Variants in BICRAL observed in about 807,000 individuals in gnomAD.
BICRAL encodes BRD4-interacting chromatin-remodeling complex-associated protein-like.
A neutral mutation model predicts 91.8 loss-of-function variants in BICRAL; 8 were observed. The observed-to-expected ratio is 0.09, with a 90% confidence interval of 0.05 to 0.16. The LOEUF (loss-of-function observed/expected upper bound fraction) is 0.16. Among genes scored for constraint, BICRAL ranks in the 10% least tolerant of loss-of-function variants. The pLI is 1.00. For missense variants in BICRAL, 1,038 were observed against 1,310.9 expected, an observed-to-expected ratio of 0.79 and a Z score of 3.21; for synonymous variants, 445 against 491.1, an observed-to-expected ratio of 0.91 and a Z score of 1.24.
chr6:42,817,178 A>G (rs551376536), intron 2 of BICRAL, among the ~76,000 whole-genome samples: 23 of 149,532 alleles, frequency 1.5e-4, no homozygotes, highest in South Asian at 2.1e-4. Flanking sequence ...GTGTGTATAT[A>G]TGTGTGTGTG....
chr6:42,852,297 C>A, intron 7 of BICRAL, 100 bp downstream of exon 7: 1 of 746,704 alleles, frequency 1.3e-6, no homozygotes, highest in Non-Finnish European at 2.5e-6. Context: ...GGCTTAATCT[C>A]GTCTCCACTC....
At chr6:42,785,234 C>T (rs1034468859) in intron 1 of BICRAL, among the ~76,000 whole-genome samples, 18 of 151,994 alleles carry the variant, frequency 1.2e-4, no homozygotes, top group African/African-American at 4.4e-4. Context: ...CTAGCCAGGC[C>T]ATCTAGTTTA....
chr6:42,846,660 T>C (rs1245813985), intron 6 of BICRAL, among the ~76,000 whole-genome samples: 2 of 152,180 alleles, frequency 1.3e-5, no homozygotes, highest in Non-Finnish European at 2.9e-5. Context: ...CCAGGGCCTC[T>C]GCTGCTCAAT....
chr6:42,779,979 C>T (rs1762863570), upstream of BICRAL, among the ~76,000 whole-genome samples: 1 of 152,218 alleles, frequency 6.6e-6, no homozygotes, highest in South Asian at 2.1e-4. Flanking sequence ...TAGCTCACTG[C>T]AACCTCCAAC....
chr6:42,825,590 G>A (rs1764272255), intron 5 of BICRAL, among the ~76,000 whole-genome samples: 1 of 151,522 alleles, frequency 6.6e-6, no homozygotes, highest in Non-Finnish European at 1.5e-5. Context: ...AAAAATAGAT[G>A]AGCATGGTGG....
intron 12 of BICRAL, 46 bp downstream of exon 12, chr6:42,862,658 T>C: frequency 3.6e-6 from 4 of 1,119,942 alleles, no homozygotes; most frequent in Non-Finnish European, 5.5e-6. Flanking sequence ...CTGCCATGGT[T>C]CAGGGACCAT....
intron 1 of BICRAL, among the ~76,000 whole-genome samples, chr6:42,753,953 T>C (rs1246777176): frequency 6.9e-6 from 1 of 144,692 alleles, no homozygotes; most frequent in Non-Finnish European, 1.5e-5. Flanking sequence ...ATTACAGGCA[T>C]GAGCCACTAC....
upstream of BICRAL, among the ~76,000 whole-genome samples, chr6:42,777,069 T>C (rs1762817066): frequency 6.6e-6 from 1 of 152,202 alleles, no homozygotes; most frequent in Admixed American, 6.5e-5. Context: ...TCTGGCATCC[T>C]TGAGGAGCTC....
At chr6:42,856,188 G>A (rs753725641) in intron 9 of BICRAL, among the ~76,000 whole-genome samples, 12 of 151,340 alleles carry the variant, frequency 7.9e-5, no homozygotes, top group African/African-American at 1.9e-4. Context: ...GTGGTGGTAC[G>A]GGCCTGTAGT....
intron 10 of BICRAL, among the ~76,000 whole-genome samples, chr6:42,857,618 T>C (rs868015571): frequency 1.1e-5 from 1 of 94,268 alleles, no homozygotes; most frequent in Non-Finnish European, 2.1e-5. Context: ...AAAAAAAATA[T>C]ATATATATAT....
chr6:42,807,904 A>G (rs1163522852), intron 1 of BICRAL, among the ~76,000 whole-genome samples: 1 of 151,950 alleles, frequency 6.6e-6, no homozygotes, highest in Non-Finnish European at 1.5e-5. Context: ...ATGCTGATGG[A>G]CTCTGGGAAA....
At chr6:42,832,904 A>G (rs765155056) in intron 6 of BICRAL, among the ~76,000 whole-genome samples, 44 of 152,274 alleles carry the variant, frequency 2.9e-4, no homozygotes, top group Admixed American at 1.2e-3. Flanking sequence ...TTACAATACT[A>G]TAACTAATCT....
At chr6:42,747,795 G>GTTTTTT (rs1343500976) in intron 1 of BICRAL, among the ~76,000 whole-genome samples, 5 of 141,088 alleles carry the variant, frequency 3.5e-5, no homozygotes, top group Non-Finnish European at 4.6e-5. Flanking sequence ...TTGCTTTTTT[G>GTTTTTT]TTTTATTTTG....
intron 6 of BICRAL, 22 bp from the exon 7 acceptor site, chr6:42,852,070 T>C: frequency 7.2e-7 from 1 of 1,387,080 alleles, no homozygotes; most frequent in Middle Eastern, 1.8e-4. Flanking sequence ...ATTAATGTTT[T>C]CATCTTTGTC....
At chr6:42,783,127 C>T (rs1004409955) in intron 1 of BICRAL, among the ~76,000 whole-genome samples, 2 of 148,838 alleles carry the variant, frequency 1.3e-5, no homozygotes, top group African/African-American at 4.9e-5. Flanking sequence ...CGAGTCGCCC[C>T]GGCCCCGTTC....
rs890774884 is a variant in BICRAL, at chr6:42,866,358, A to C, written c.*912A>C. 1.8e-5 allele frequency: 3 copies of C among 167,792 alleles called. No homozygotes were observed. Among genetic ancestry groups the C allele is most frequent in the Non-Finnish European group, 3.9e-5 (3 of 76,820 alleles). 10.4% of individuals were successfully genotyped at this position (167,792 alleles called of 1,614,324 possible). Reference sequence around the variant, plus strand: ...TATATATGTTAACTATTGAGAAAAAACAAGTTTTGCATTTTATAATTGGAT... The same window carrying C: ...TATATATGTTAACTATTGAGAAAAACCAAGTTTTGCATTTTATAATTGGAT... On this transcript the variant is annotated 3_prime_UTR_variant, in exon 13 of 13. Transcript: ENST00000314073.
At chr6:42,811,495 C>A (rs1763842433) in intron 2 of BICRAL, among the ~76,000 whole-genome samples, 1 of 152,196 alleles carries the variant, frequency 6.6e-6, no homozygotes, top group Non-Finnish European at 1.5e-5. Flanking sequence ...GTGGCGCACG[C>A]CTGTAATCCC....
At chr6:42,770,412 A>ATTAT in intron 1 of BICRAL, among the ~76,000 whole-genome samples, 1 of 126,234 alleles carries the variant, frequency 7.9e-6, no homozygotes, top group Non-Finnish European at 1.6e-5. Flanking sequence ...TATTATTATT[A>ATTAT]TTTTTTTTTT....
rs1199595769 is a variant in BICRAL, at chr6:42,830,180, C to A, written c.1839+8C>A. ...CAACAATTCTTCTGCCAGGTAATGC[C>A]CTTTCCCAAATAAATATTTGGCTGA... On this transcript the variant is annotated splice_region_variant and intron_variant, in intron 6 of 12. Coordinates refer to ENST00000314073, the MANE Select transcript of BICRAL (RefSeq NM_001393499.1). 1 of 1,612,060 alleles carries A rather than the reference C, an allele frequency of 6.2e-7. No individual in the cohort carries two copies. Among genetic ancestry groups the A allele is most frequent in the Admixed American group, 1.7e-5 (1 of 59,716 alleles).
Sources: allele counts gnomAD v4.1 joint callset (sites outside exome capture counted in the v4.1 genomes callset), GRCh38; gene constraint gnomAD v4.1.1; transcripts MANE v1.5; gene names NCBI Gene and HGNC (gene_info 2026-07-23, HGNC 2026-07-21).